Variants in GMDS observed in about 807,000 individuals in gnomAD.
GMDS encodes GDP-mannose 4,6 dehydratase.
A neutral mutation model predicts 49.9 loss-of-function variants in GMDS; 20 were observed. The ratio of observed to expected loss-of-function variants is 0.40; its 90% CI spans 0.28 to 0.58. GMDS has a LOEUF of 0.58. GMDS is among the 20% of genes least tolerant of loss of function. GMDS has a pLI of 0.42. For missense variants in GMDS, 362 were observed against 481.4 expected (o/e 0.75, Z 2.32); for synonymous variants, 177 against 178.6 (o/e 0.99, Z 0.07).
At chr6:2,205,051 T>C (rs761738227) in intron 1 of GMDS, among the ~76,000 whole-genome samples, 1 of 152,206 alleles carries the variant, frequency 6.6e-6, no homozygotes, top group Non-Finnish European at 1.5e-5. Flanking sequence ...AATTATGACA[T>C]TTATTGAGCA....
At chr6:1,935,976 G>A (rs1438514285) in intron 6 of GMDS, among the ~76,000 whole-genome samples, 2 of 152,186 alleles carry the variant, frequency 1.3e-5, no homozygotes, top group African/African-American at 4.8e-5. Context: ...GGTGGGCACT[G>A]AGGAGTCTGG....
chr6:2,106,555 C>T (rs1774252639), intron 4 of GMDS, among the ~76,000 whole-genome samples: 1 of 152,032 alleles, frequency 6.6e-6, no homozygotes, highest in Non-Finnish European at 1.5e-5. Context: ...ATGTAAATTA[C>T]ATACTGTAAT....
intron 9 of GMDS, among the ~76,000 whole-genome samples, chr6:1,637,384 T>C (rs769713769): frequency 1.9e-4 from 29 of 152,158 alleles, no homozygotes; most frequent in Non-Finnish European, 3.2e-4. Flanking sequence ...TCTGACTCAG[T>C]TCTGGTGTGC....
Position 1,747,384 on chromosome 6 carries a change from A to G in GMDS, c.772-4798T>C, listed in dbSNP as rs895794070. On this transcript the variant is annotated intron_variant, in intron 7 of 10. Coordinates refer to ENST00000380815, the MANE Select transcript of GMDS (RefSeq NM_001500.4). Reference sequence around the variant, plus strand: ...TTGTTAATGAAGGTTATGTTTAACTATGTCTATTTGACTGTTACTTTTTCA... The same window carrying G: ...TTGTTAATGAAGGTTATGTTTAACTGTGTCTATTTGACTGTTACTTTTTCA... 2.0e-5 allele frequency among the ~76,000 whole-genome samples: 3 copies of G among 150,866 alleles called. No individual in the cohort carries two copies. In the East Asian group the frequency reaches 5.8e-4, roughly 29 times the overall value.
At chr6:1,947,596 C>T (rs1187868044) in intron 6 of GMDS, among the ~76,000 whole-genome samples, 1 of 152,182 alleles carries the variant, frequency 6.6e-6, no homozygotes, top group Non-Finnish European at 1.5e-5. Flanking sequence ...GTACATCCTG[C>T]TTTAGCAGCC....
At chr6:2,148,578 G>A (rs909395071) in intron 1 of GMDS, among the ~76,000 whole-genome samples, 34 of 151,984 alleles carry the variant, frequency 2.2e-4, no homozygotes, top group Non-Finnish European at 2.9e-4. Flanking sequence ...GCACCACCAC[G>A]CCTGGCTAAT....
At chr6:2,130,793 G>A (rs962008678) in intron 1 of GMDS, among the ~76,000 whole-genome samples, 1 of 150,850 alleles carries the variant, frequency 6.6e-6, no homozygotes, top group African/African-American at 2.4e-5. Flanking sequence ...ATCAAACAGG[G>A]AAGAAATGCC....
chr6:1,914,142 T>G (rs532235080), intron 7 of GMDS, among the ~76,000 whole-genome samples: 8,803 of 146,608 alleles, frequency 0.06, 374 homozygotes, highest in South Asian at 0.16. Context: ...TTTTTTTTTT[T>G]TTTTTTTTTT....
intron 7 of GMDS, among the ~76,000 whole-genome samples, chr6:1,748,241 T>C (rs1293024173): frequency 6.6e-6 from 1 of 152,212 alleles, no homozygotes; most frequent in Non-Finnish European, 1.5e-5. Context: ...GGATATTATC[T>C]ATTCTTTCAA....
intron 7 of GMDS, among the ~76,000 whole-genome samples, chr6:1,840,178 T>C (rs927609400): frequency 6.6e-6 from 1 of 152,178 alleles, no homozygotes. Flanking sequence ...GAAAGGGCCC[T>C]CATTAGGCAA....
At chr6:2,123,261 A>T (rs6934917) in intron 2 of GMDS, among the ~76,000 whole-genome samples, 22,619 of 152,158 alleles carry the variant, frequency 0.15, 4,099 homozygotes, top group African/African-American at 0.43. Context: ...GACTAGACAC[A>T]GATGCTGCCT....
At chr6:1,790,063 G>A (rs1358592912) in intron 7 of GMDS, among the ~76,000 whole-genome samples, 1 of 152,054 alleles carries the variant, frequency 6.6e-6, no homozygotes, top group Non-Finnish European at 1.5e-5. Flanking sequence ...TGCTATGAAA[G>A]TTCTTATTAT....
At position 1,742,560 on chromosome 6, in the gene GMDS, A is replaced by C. The variant is rs3734739; in HGVS notation, c.798T>G (p.Asp266Glu). The change falls in exon 8 of 11, where the codon GAT becomes GAG. Residue 266 changes from aspartate to glutamate, a missense_variant. By Grantham distance (45) the Asp-to-Glu change is conservative (BLOSUM62 2). Transcript: ENST00000380815. The stretch of plus-strand genomic sequence containing the variant: ...TAGCTATAACGAAGTCCTCCGGCTC[A>C]TCATTCTGCAACATCAACCACATAG... ...VEAMWLMLQN[D>E]EPEDFVIATG... The C allele has an allele frequency of 8.7e-6, 14 of 1,606,600 alleles. No individual in the cohort carries two copies. The highest frequency in any genetic ancestry group is 1.2e-5 in the Non-Finnish European group (14 of 1,173,524).
At chr6:2,163,162 G>T (rs1205061260) in intron 1 of GMDS, among the ~76,000 whole-genome samples, 1 of 152,148 alleles carries the variant, frequency 6.6e-6, no homozygotes, top group East Asian at 1.9e-4. Context: ...ATAGGCCCAG[G>T]TGACAATAAT....
chr6:1,968,692 C>T lies in GMDS; in HGVS notation c.346-7726G>A, dbSNP rs571523686. On this transcript the variant is annotated intron_variant, in intron 4 of 10. Coordinates refer to ENST00000380815, the MANE Select transcript of GMDS (RefSeq NM_001500.4). ...GTGGTCTGCCAACACTGACCCACTG[C>T]ATCTCCCTCATATTTCCTCCCCACA... is the stretch of plus-strand genomic sequence containing the variant. Among the ~76,000 whole-genome samples the T allele has an allele frequency of 3.3e-5, 5 of 152,214 alleles. No homozygotes were observed. In the South Asian group the frequency reaches 6.2e-4, roughly 19 times the overall value.
At chr6:1,740,608 G>T (rs1581532612) in intron 8 of GMDS, among the ~76,000 whole-genome samples, 1 of 148,696 alleles carries the variant, frequency 6.7e-6, no homozygotes, top group East Asian at 2.0e-4. Context: ...TTTTATATTT[G>T]AAAAGTATAA....
rs151183845 is a variant in GMDS, at chr6:1,818,284, C to T, written c.772-75698G>A. 4.6e-3 allele frequency among the ~76,000 whole-genome samples: 699 copies of T among 152,208 alleles called. 1 individual carries two copies. The highest frequency in any genetic ancestry group is 6.5e-3 in the Non-Finnish European group (444 of 67,998). On this transcript the variant is annotated intron_variant, in intron 7 of 10. Transcript: ENST00000380815. ...AGATTATCAAAACACGTTTTTCTAA[C>T]GAGTGAAAGTTAAGTTTTTCTAAAT...
chr6:1,624,361 C>T (rs1305328293), intron 10 of GMDS, 111 bp downstream of exon 10: 12 of 1,297,152 alleles, frequency 9.3e-6, no homozygotes, highest in African/African-American at 7.3e-5. Context: ...TCCCGCACCC[C>T]GCCTTCCGGG....
chr6:1,782,709 T>C (rs896167486), intron 7 of GMDS, among the ~76,000 whole-genome samples: 2 of 152,200 alleles, frequency 1.3e-5, no homozygotes, highest in African/African-American at 2.4e-5. Context: ...ACGGGTGAAA[T>C]GAGAACATAG....
Sources: allele counts gnomAD v4.1 joint callset (sites outside exome capture counted in the v4.1 genomes callset), GRCh38; gene constraint gnomAD v4.1.1; transcripts MANE v1.5; gene names NCBI Gene and HGNC (gene_info 2026-07-23, HGNC 2026-07-21).